PCDHA12: variants seen among roughly 807,000 people sequenced by gnomAD.
The protein encoded by PCDHA12 is protocadherin alpha 12.
PCDHA12 carries 44 observed loss-of-function variants against 60.0 expected under a neutral mutation model. That is an observed-to-expected ratio of 0.73 (90% CI 0.58 to 0.94). The LOEUF is 0.94. Among genes scored for constraint, PCDHA12 ranks in the 40% least tolerant of loss-of-function variants. The pLI, the probability that PCDHA12 is intolerant of heterozygous loss-of-function variation, is 0.00. For synonymous variants in PCDHA12, 569 were observed against 553.0 expected (o/e 1.03, Z -0.40); for missense variants, 1,276 against 1,239.7 (o/e 1.03, Z -0.44).
chr5:140,987,797 T>A (rs967250070), intron 3 of PCDHA12, among the ~76,000 whole-genome samples: 23 of 152,308 alleles, frequency 1.5e-4, no homozygotes, highest in African/African-American at 4.3e-4. Flanking sequence ...AAGATTTTTT[T>A]AAAGTGCCTG....
intron 2 of PCDHA12, among the ~76,000 whole-genome samples, chr5:140,980,367 C>A (rs1245361324): frequency 2.6e-5 from 4 of 152,174 alleles, no homozygotes; most frequent in Non-Finnish European, 5.9e-5. Flanking sequence ...CGCGGTGGCT[C>A]ACACCTGTAA....
chr5:140,993,012 C>G (rs1307637137), intron 3 of PCDHA12, among the ~76,000 whole-genome samples: 2 of 152,198 alleles, frequency 1.3e-5, no homozygotes, highest in Admixed American at 1.3e-4. Context: ...CCCCAGAGTC[C>G]AGCATCCCCT....
At chr5:141,001,872 CAAG>C (rs1329160545) in intron 3 of PCDHA12, among the ~76,000 whole-genome samples, 1 of 152,126 alleles carries the variant, frequency 6.6e-6, no homozygotes, top group African/African-American at 2.4e-5. Flanking sequence ...TGCCCAAAAC[CAAG>C]AAGGAGCAAA....
chr5:140,999,040 G>A (rs1450256691), intron 3 of PCDHA12, among the ~76,000 whole-genome samples: 2 of 152,218 alleles, frequency 1.3e-5, no homozygotes, highest in African/African-American at 2.4e-5. Context: ...TTCGTCCAGT[G>A]TGCTTTCCAC....
chr5:140,939,028 C>T (rs1231920381), intron 1 of PCDHA12, among the ~76,000 whole-genome samples: 6 of 152,098 alleles, frequency 3.9e-5, no homozygotes, highest in East Asian at 1.9e-4. Context: ...TTTACTTATT[C>T]GGAAGAGTTG....
intron 2 of PCDHA12, among the ~76,000 whole-genome samples, chr5:140,979,586 C>T (rs1554240859): frequency 6.6e-6 from 1 of 152,188 alleles, no homozygotes; most frequent in Admixed American, 6.5e-5. Context: ...CCAAATCTAG[C>T]TTACTTTAAA....
intron 1 of PCDHA12, among the ~76,000 whole-genome samples, chr5:140,902,478 T>C (rs190206747): frequency 6.6e-6 from 1 of 152,312 alleles, no homozygotes; most frequent in African/African-American, 2.4e-5. Context: ...AGTTTTTGCC[T>C]GCTCAGTATG....
chr5:140,968,807 G>C (rs1327580375), intron 1 of PCDHA12: 1 of 1,614,178 alleles, frequency 6.2e-7, no homozygotes, highest in Non-Finnish European at 8.5e-7. Flanking sequence ...AGTAGCTGTG[G>C]TGGATAGGGT....
intron 1 of PCDHA12, among the ~76,000 whole-genome samples, chr5:140,922,192 T>A (rs1279791359): frequency 6.6e-6 from 1 of 152,158 alleles, no homozygotes; most frequent in East Asian, 1.9e-4. Context: ...AAAAGTCTTA[T>A]CTTTAATGAA....
chr5:140,999,180 GAGA>G (rs1554256675), intron 3 of PCDHA12, among the ~76,000 whole-genome samples: 1 of 152,238 alleles, frequency 6.6e-6, no homozygotes, highest in East Asian at 1.9e-4. Context: ...GCCTGATGGG[GAGA>G]GGGTCCTTGG....
intron 1 of PCDHA12, among the ~76,000 whole-genome samples, chr5:140,941,215 C>CTTTCTTTCTTTCTTTCTT (rs2092888517): frequency 9.6e-6 from 1 of 104,510 alleles, no homozygotes; most frequent in East Asian, 2.4e-4. Flanking sequence ...TTCTTTCTTC[C>CTTTCTTTCTTTCTTTCTT]TTTCTTTCTT....
intron 1 of PCDHA12, among the ~76,000 whole-genome samples, chr5:140,973,258 C>T (rs952911948): frequency 1.3e-5 from 2 of 152,168 alleles, no homozygotes; most frequent in African/African-American, 4.8e-5. Flanking sequence ...CTTTCAGTGG[C>T]ACCTACTTTT....
chr5:140,883,508 G>C (rs939760233), intron 1 of PCDHA12: 19 of 1,614,202 alleles, frequency 1.2e-5, no homozygotes, highest in Non-Finnish European at 1.5e-5. Flanking sequence ...CAGCGCCCTG[G>C]ACCGCGAGAG....
chr5:140,920,519 C>T lies in PCDHA12; in HGVS notation c.2367+42680C>T, dbSNP rs555001599. Among the ~76,000 whole-genome samples the T allele has an allele frequency of 2.9e-4, 44 of 152,246 alleles. 2 individuals are homozygous for T. The highest frequency in any genetic ancestry group is 2.8e-4 in the Non-Finnish European group (19 of 68,008). On this transcript the variant is annotated intron_variant, in intron 1 of 3. Coordinates refer to ENST00000398631, the MANE Select transcript of PCDHA12 (RefSeq NM_018903.4). The stretch of plus-strand genomic sequence containing the variant: ...GTTCTACATACTGTTTTATGCAATT[C>T]GTTAGACTCAGGTTTTCTATTTCAC...
At chr5:140,948,321 T>C (rs922752818) in intron 1 of PCDHA12, among the ~76,000 whole-genome samples, 7 of 151,748 alleles carry the variant, frequency 4.6e-5, no homozygotes, top group South Asian at 4.1e-4. Flanking sequence ...AGGGGTAATG[T>C]TTTCATTAGG....
At chr5:140,975,849 A>G (rs1157741908) in intron 1 of PCDHA12, among the ~76,000 whole-genome samples, 1 of 152,208 alleles carries the variant, frequency 6.6e-6, no homozygotes, top group Non-Finnish European at 1.5e-5. Flanking sequence ...CAGTAATACT[A>G]CATCACCCAT....
intron 1 of PCDHA12, among the ~76,000 whole-genome samples, chr5:140,888,308 G>A (rs1383199158): frequency 1.3e-5 from 2 of 152,106 alleles, no homozygotes; most frequent in Non-Finnish European, 2.9e-5. Flanking sequence ...AGATAATTTG[G>A]CAATGCCTGG....
In PCDHA12 at chr5:140,877,377, C is replaced by T. The variant is rs575601254; in HGVS notation, c.1905C>T (p.Arg635=). 1.2e-6 allele frequency: 2 copies of T among 1,614,008 alleles called. No homozygotes were observed. Among genetic ancestry groups the T allele is most frequent in the Non-Finnish European group, 1.7e-6 (2 of 1,179,882 alleles). The change falls in exon 1 of 4, where the codon CGC becomes CGT. Residue 635 remains arginine, a synonymous_variant. Transcript: ENST00000398631. ...ACACTGGCGAGATCAGCACGACACG[C>T]ATCCTGGATGAGGCGGACGCTCCGC... ...GLYTGEISTT[R]ILDEADAPRH...
chr5:140,941,936 T>G (rs901567070), intron 1 of PCDHA12, among the ~76,000 whole-genome samples: 7 of 152,362 alleles, frequency 4.6e-5, no homozygotes, highest in Non-Finnish European at 7.3e-5. Flanking sequence ...ATATTTGAAT[T>G]ACTTTTGTTT....
Sources: gnomAD v4.1 joint callset for allele counts (sites outside exome capture counted in the v4.1 genomes callset) on GRCh38, gnomAD v4.1.1 for gene constraint, MANE v1.5 for transcripts, NCBI Gene and HGNC (gene_info 2026-07-23, HGNC 2026-07-21) for gene names.